The following GPHN variants were observed in gnomAD, a reference collection of about 807,000 sequenced individuals.
GPHN encodes the protein gephyrin.
GPHN carries 17 observed loss-of-function variants against 95.5 expected under a neutral mutation model. That is an observed-to-expected ratio of 0.18 (90% CI 0.12 to 0.27). GPHN has a LOEUF of 0.27. Among genes scored for constraint, GPHN ranks in the 10% least tolerant of loss-of-function variants. The pLI is 1.00. For synonymous variants in GPHN, 320 were observed against 322.5 expected (o/e 0.99, Z 0.08); for missense variants, 660 against 978.1 (o/e 0.67, Z 4.34).
At chr14:66,778,303 C>T (rs918928545) in intron 3 of GPHN, among the ~76,000 whole-genome samples, 2 of 152,156 alleles carry the variant, frequency 1.3e-5, no homozygotes, top group Non-Finnish European at 2.9e-5. Flanking sequence ...AACTACAAAC[C>T]ACTGCTCAGT....
intron 12 of GPHN, among the ~76,000 whole-genome samples, chr14:67,093,035 A>C (rs975236626): frequency 6.6e-6 from 1 of 152,104 alleles, no homozygotes; most frequent in African/African-American, 2.4e-5. Context: ...GTTCAATTTG[A>C]AAGGTTTATC....
chr14:67,606,726 G>C, the GPHN span, among the ~76,000 whole-genome samples: 1 of 151,974 alleles, frequency 6.6e-6, no homozygotes, highest in Admixed American at 6.6e-5. Flanking sequence ...AGCTCACTGT[G>C]ACCTCTGCCT....
the GPHN span, among the ~76,000 whole-genome samples, chr14:67,550,509 C>G: frequency 6.6e-6 from 1 of 152,188 alleles, no homozygotes; most frequent in African/African-American, 2.4e-5. Flanking sequence ...TCTTTGATAA[C>G]AAGAGTTAGA....
At chr14:66,597,514 G>A (rs1049924623) in intron 1 of GPHN, among the ~76,000 whole-genome samples, 2 of 152,112 alleles carry the variant, frequency 1.3e-5, no homozygotes, top group Non-Finnish European at 2.9e-5. Flanking sequence ...TGGCCACAAC[G>A]TTGCTCCAAA....
At chr14:67,110,562 A>G (rs1447449632) in intron 14 of GPHN, among the ~76,000 whole-genome samples, 1 of 152,208 alleles carries the variant, frequency 6.6e-6, no homozygotes, top group Non-Finnish European at 1.5e-5. Flanking sequence ...ACCTCAAGAA[A>G]GAAATGCAGA....
Position 66,666,090 on chromosome 14 carries a change from G to A in GPHN, c.65-15017G>A, listed in dbSNP as rs184786259. Among the ~76,000 whole-genome samples, 281 of 148,900 alleles carry A rather than the reference G, an allele frequency of 1.9e-3. 1 individual carries two copies. The highest frequency in any genetic ancestry group is 6.5e-3 in the African/African-American group (263 of 40,390). ...CACAGGAAGGGGGACATCACACACC[G>A]GGGCCTGTCGTGGGGTAGGGGGAGG... On this transcript the variant is annotated intron_variant, in intron 1 of 22. Coordinates refer to ENST00000478722, the MANE Select transcript of GPHN (RefSeq NM_020806.5).
chr14:66,949,831 T>G (rs2153578060), intron 8 of GPHN, among the ~76,000 whole-genome samples: 1 of 152,210 alleles, frequency 6.6e-6, no homozygotes, highest in East Asian at 1.9e-4. Context: ...AAATATAAAT[T>G]TGTATGTTTA....
chr14:66,531,358 C>G (rs140240420), intron 1 of GPHN, among the ~76,000 whole-genome samples: 8,312 of 152,092 alleles, frequency 0.055, 318 homozygotes, highest in Middle Eastern at 0.099. Flanking sequence ...TCACTTGAAC[C>G]TGGGAGGCGG....
chr14:67,034,523 A>G (rs1436764640), intron 10 of GPHN, among the ~76,000 whole-genome samples: 1 of 152,140 alleles, frequency 6.6e-6, no homozygotes, highest in African/African-American at 2.4e-5. Context: ...AACAAGATGC[A>G]ATTATATTCT....
chr14:66,835,648 G>A (rs189516806), intron 4 of GPHN, among the ~76,000 whole-genome samples: 1 of 152,140 alleles, frequency 6.6e-6, no homozygotes, highest in Non-Finnish European at 1.5e-5. Flanking sequence ...AAAAGAGGAA[G>A]TCAAATTGTC....
intron 2 of GPHN, among the ~76,000 whole-genome samples, chr14:66,745,392 A>G (rs919729313): frequency 6.6e-6 from 1 of 152,048 alleles, no homozygotes; most frequent in Non-Finnish European, 1.5e-5. Flanking sequence ...GACATTGTTC[A>G]CCGTACTCTT....
At chr14:66,513,802 A>T (rs1038590376) in intron 1 of GPHN, among the ~76,000 whole-genome samples, 8 of 151,924 alleles carry the variant, frequency 5.3e-5, no homozygotes, top group African/African-American at 1.9e-4. Flanking sequence ...AGTTCTATCC[A>T]GGTTCTTTAA....
chr14:66,553,112 C>T (rs969969485), intron 1 of GPHN, among the ~76,000 whole-genome samples: 3 of 151,886 alleles, frequency 2.0e-5, no homozygotes, highest in African/African-American at 7.3e-5. Flanking sequence ...GCCTCAGCCT[C>T]TCAAGTAGCT....
chr14:67,527,664 C>T, the GPHN span, among the ~76,000 whole-genome samples: 1 of 152,178 alleles, frequency 6.6e-6, no homozygotes, highest in Admixed American at 6.5e-5. Flanking sequence ...GTGTTTTGTA[C>T]CGCAGCAGCC....
At chr14:66,896,912 G>A (rs1463394764) in intron 5 of GPHN, among the ~76,000 whole-genome samples, 1 of 151,830 alleles carries the variant, frequency 6.6e-6, no homozygotes, top group East Asian at 1.9e-4. Flanking sequence ...TTTTCCCATA[G>A]AACACTGCTT....
intron 1 of GPHN, among the ~76,000 whole-genome samples, chr14:66,530,603 A>G (rs2058882384): frequency 6.6e-6 from 1 of 152,168 alleles, no homozygotes; most frequent in Non-Finnish European, 1.5e-5. Flanking sequence ...CACCAGAGGG[A>G]ATCTCCTGGT....
intron 2 of GPHN, among the ~76,000 whole-genome samples, chr14:66,682,915 C>T (rs8012279): frequency 0.33 from 49,835 of 151,726 alleles, 12,005 homozygotes; most frequent in African/African-American, 0.66. Flanking sequence ...TAATCAATTG[C>T]CATGTTTTGG....
intron 1 of GPHN, among the ~76,000 whole-genome samples, chr14:66,606,293 G>A (rs894006217): frequency 5.9e-5 from 9 of 152,132 alleles, no homozygotes; most frequent in Non-Finnish European, 1.0e-4. Context: ...TTGAAAATCA[G>A]ATGGTTATGG....
At chr14:67,051,433 C>T (rs2075301958) in intron 10 of GPHN, among the ~76,000 whole-genome samples, 1 of 152,088 alleles carries the variant, frequency 6.6e-6, no homozygotes, top group Admixed American at 6.5e-5. Context: ...AAGGAATGAA[C>T]AAAACCTCTG....
Sources: gnomAD v4.1 joint callset for allele counts (sites outside exome capture counted in the v4.1 genomes callset) on GRCh38, gnomAD v4.1.1 for gene constraint, MANE v1.5 for transcripts, NCBI Gene and HGNC (gene_info 2026-07-23, HGNC 2026-07-21) for gene names.